The following ATP8B3 variants were observed in gnomAD, a reference collection of about 807,000 sequenced individuals.
ATP8B3 encodes the protein phospholipid-transporting ATPase IK.
Under a neutral mutation model 140.9 loss-of-function variants are expected in ATP8B3, and 141 were observed. The ratio of observed to expected loss-of-function variants is 1.00; its 90% confidence interval spans 0.87 to 1.15. ATP8B3 has a LOEUF of 1.15. Ranked by LOEUF, ATP8B3 falls within the 50% of genes most tolerant of loss-of-function variation. The pLI is 0.00. For synonymous variants in ATP8B3, 765 were observed against 714.6 expected (o/e 1.07, Z -1.13); for missense variants, 1,874 against 1,740.6 (o/e 1.08, Z -1.36).
Position 1,800,131 on chromosome 19 carries a change from G to A in ATP8B3, c.1368C>T (p.Asn456=), listed in dbSNP as rs1454457780. ...FILSEFIYLG[N]SVFIDWDVQM... ...GCACGTCCCAGTCGATGAAGACGCT[G>A]TTCCCCAGGTAGATGAACTCGGACC... Residue 456 remains asparagine, a synonymous_variant, in exon 14 of 29, where the codon AAC becomes AAT. Coordinates refer to ENST00000310127, the MANE Select transcript of ATP8B3 (RefSeq NM_138813.4). This position sits in a 1 kb window ranked among gnomAD's most constrained non-coding sequence, Gnocchi z 4.4. 1.3e-6 allele frequency: 2 copies of A among 1,558,520 alleles called. No individual in the cohort carries two copies. The highest frequency in any genetic ancestry group is 1.9e-5 in the Admixed American group (1 of 51,958).
chr19:1,792,499 G>T (rs997588640), intron 18 of ATP8B3, among the ~76,000 whole-genome samples: 1 of 149,682 alleles, frequency 6.7e-6, no homozygotes, highest in Non-Finnish European at 1.5e-5. Flanking sequence ...AGAATTGCTT[G>T]AACTTGGGAG....
intron 4 of ATP8B3, 58 bp from the exon 5 acceptor site, chr19:1,808,393 G>C: frequency 7.4e-7 from 1 of 1,348,472 alleles, no homozygotes; most frequent in Non-Finnish European, 1.0e-6. Flanking sequence ...CAGGGGATGG[G>C]GGTGCCCGAG....
chr19:1,803,038 C>T (rs564595521), intron 10 of ATP8B3, among the ~76,000 whole-genome samples: 367 of 152,288 alleles, frequency 2.4e-3, no homozygotes, highest in African/African-American at 7.9e-3. Context: ...CCCCAGGGCA[C>T]GGACCAGCAC....
Position 1,789,971 on chromosome 19 carries a change from G to C in ATP8B3, c.2397C>G (p.Tyr799Ter). 1.2e-6 allele frequency: 2 copies of C among 1,611,808 alleles called. No homozygotes were observed. The highest frequency in any genetic ancestry group is 1.7e-6 in the Non-Finnish European group (2 of 1,179,374). The change falls in exon 22 of 29, where the codon TAC becomes TAG. Residue 799 changes from tyrosine (Y) to a stop codon, truncating the protein, a stop_gained. Coordinates refer to ENST00000310127, the MANE Select transcript of ATP8B3 (RefSeq NM_138813.4). LOFTEE classifies it high-confidence loss of function. The stretch of plus-strand genomic sequence containing the variant: ...TTAGAAGGTTGTTACTGTTTTCCCA[G>C]TAGGTCTCCAGGATGCGGCTGCGGG... ...EKEISRILET[Y>*]WENSNNLLTR... is the part of the protein sequence containing the mutation.
At position 1,789,486 on chromosome 19, in the gene ATP8B3, T is replaced by C; in HGVS notation, c.2720A>G (p.Gln907Arg). Residue 907 changes from glutamine (Q) to arginine (R), a missense_variant, in exon 23 of 29, where the codon CAG becomes CGG. Gln to Arg is a conservative substitution (Grantham distance 43). This residue lies in a region of ATP8B3 where 840 missense variants were observed against 760.9 expected (regional missense o/e 1.10). Coordinates refer to ENST00000310127, the MANE Select transcript of ATP8B3 (RefSeq NM_138813.4). ...RAFVDLASKC[Q>R]AVICCRVTPK... ...CGTCACGCGGCAGCAGATGACCGCC[T>C]GGCACTTGGACGCCAGGTCCACGAA... 6.3e-7 allele frequency: 1 copy of C among 1,597,954 alleles called. No individual in the cohort carries two copies. The highest frequency in any genetic ancestry group is 2.2e-5 in the East Asian group (1 of 44,732).
chr19:1,791,780 T>C lies in ATP8B3; in HGVS notation c.2272A>G (p.Lys758Glu), dbSNP rs774118282. 6.2e-7 allele frequency: 1 copy of C among 1,611,868 alleles called. No individual in the cohort carries two copies. The highest frequency in any genetic ancestry group is 1.7e-5 in the Admixed American group (1 of 60,014). ...TIKCLKKSNI[K>E]IWVLTGDKQE... The stretch of plus-strand genomic sequence containing the variant: ...TTGTCCCCGGTGAGCACCCATATTT[T>C]GATGTTGCTCTTCTTGAGACATTTG... The change falls in exon 20 of 29, where the codon AAA becomes GAA. Residue 758 changes from lysine (K) to glutamate (E), a missense_variant. Around this residue, in one of 3 missense-constraint regions of ATP8B3, gnomAD observed 840 missense variants for 760.9 expected, o/e 1.10. Transcript: ENST00000310127.
In ATP8B3 at chr19:1,796,239, G is replaced by T; in HGVS notation, c.1780C>A (p.Pro594Thr). 6.2e-7 allele frequency: 1 copy of T among 1,612,094 alleles called. No individual in the cohort carries two copies. The highest frequency in any genetic ancestry group is 8.5e-7 in the Non-Finnish European group (1 of 1,179,664). ...GCGGTGACCAGCGCCCCCTCGTCGG[G>T]GGAGGCCGCCTGGTACAACAGCTGG... ...PDQLLYQAAS[P>T]DEGALVTAAR... Residue 594 changes from proline to threonine, a missense_variant, in exon 17 of 29, where the codon CCC becomes ACC. By Grantham distance (38) the Pro-to-Thr change is conservative. Coordinates refer to ENST00000310127, the MANE Select transcript of ATP8B3 (RefSeq NM_138813.4).
Position 1,807,922 on chromosome 19 carries a change from C to CTCT in ATP8B3, c.516+299_516+300insAGA, listed in dbSNP as rs2069076604. ...GCGGGGGCCAGGGGAGCTGCGTGGC[C>CTCT]GAGGCCGTTTAGGCTGGGGAACAGC... On this transcript the variant is annotated intron_variant, in intron 5 of 28. Transcript: ENST00000310127. The surrounding 1 kb of genome is among the most constrained non-coding windows in gnomAD (Gnocchi z 5.9). Among the ~76,000 whole-genome samples the CTCT allele has an allele frequency of 1.1e-4, 16 of 152,236 alleles. No individual in the cohort carries two copies. The highest frequency in any genetic ancestry group is 3.9e-4 in the African/African-American group (16 of 41,458).
rs748838146 is a variant in ATP8B3, at chr19:1,796,993, T to G, written c.1565A>C (p.Glu522Ala). 6.2e-7 allele frequency: 1 copy of G among 1,613,022 alleles called. No individual in the cohort carries two copies. Among genetic ancestry groups the G allele is most frequent in the Admixed American group, 1.7e-5 (1 of 60,012 alleles). ...ISGRVYGPDS[E>A]ATTRPKENPY... is the part of the protein sequence containing the mutation. ...GCTCACCTTAGGTCGGGTCGTGGCCTCTGAATCCGGCCCTGGGGAAAGACA... is the reference window on the plus strand; with the variant it reads ...GCTCACCTTAGGTCGGGTCGTGGCCGCTGAATCCGGCCCTGGGGAAAGACA... The change falls in exon 15 of 29, where the codon GAG (glutamate) becomes GCG (alanine). Residue 522 changes from glutamate (E) to alanine (A), a missense_variant. Glu to Ala is a moderately radical substitution (Grantham distance 107). Coordinates refer to ENST00000310127, the MANE Select transcript of ATP8B3 (RefSeq NM_138813.4).
rs1568615529 is a variant in ATP8B3, at chr19:1,785,283, G to GA, written c.3407dup (p.Lys1137GlnfsTer122). On this transcript the variant is annotated frameshift_variant, in exon 27 of 29. Transcript: ENST00000310127. LOFTEE classifies it high-confidence loss of function. ...CCACGCACAGGGCGGTCCAGTACTT[G>GA]ATGATAAGAATGACCTGGACAGGCA... is the stretch of plus-strand genomic sequence containing the variant. 6.2e-7 allele frequency: 1 copy of GA among 1,601,714 alleles called. No homozygotes were observed. The highest frequency in any genetic ancestry group is 1.3e-5 in the African/African-American group (1 of 74,670).
At chr19:1,788,757 T>G (rs2068384711) in intron 24 of ATP8B3, 140 bp downstream of exon 24, 2 of 791,314 alleles carry the variant, frequency 2.5e-6, no homozygotes, top group South Asian at 1.8e-5. Context: ...AACGCAGCCT[T>G]GCCATGTGGC....
At chr19:1,787,297 C>A in intron 24 of ATP8B3, 111 bp from the exon 25 acceptor site, 3 of 811,480 alleles carry the variant, frequency 3.7e-6, no homozygotes, top group Non-Finnish European at 4.0e-6. Context: ...GGTCGAGTTA[C>A]ACTCAAGGTT....
At chr19:1,802,406 T>TTGGCCC in intron 11 of ATP8B3, 81 bp downstream of exon 11, 1 of 421,058 alleles carries the variant, frequency 2.4e-6, no homozygotes, top group Non-Finnish European at 4.4e-6. Context: ...TCCACCCACC[T>TTGGCCC]ACCCACCCAC....
intron 17 of ATP8B3, 33 bp from the exon 18 acceptor site, chr19:1,796,020 G>A: frequency 6.2e-7 from 1 of 1,611,724 alleles, no homozygotes; most frequent in Non-Finnish European, 8.5e-7. Context: ...GCCCACAGAG[G>A]CTCCCCGTCT....
At position 1,805,238 on chromosome 19, in the gene ATP8B3, G is replaced by C; in HGVS notation, c.904+136C>G. The C allele has an allele frequency of 1.2e-6, 1 of 827,166 alleles. No individual in the cohort carries two copies. Among genetic ancestry groups the C allele is most frequent in the Non-Finnish European group, 2.0e-6 (1 of 498,362 alleles). The allele number at this position is 827,166 out of a possible 1,614,324, so 51.2% of individuals were successfully genotyped here. ...GATTCTCCTGCCTCAGCCTCCCAAA[G>C]TGCTGGGATTCCAGGTGTGAGCCAC... is the stretch of plus-strand genomic sequence containing the variant. On this transcript the variant is annotated intron_variant, in intron 10 of 28. Transcript: ENST00000310127. This position sits in a 1 kb window ranked among gnomAD's most constrained non-coding sequence, Gnocchi z 5.2.
rs569706754 is a variant in ATP8B3 at position 1,805,804 on chromosome 19, G to A, written c.821+84C>T. The A allele has an allele frequency of 1.4e-4, 210 of 1,543,788 alleles. No homozygotes were observed. The highest frequency in any genetic ancestry group is 1.8e-4 in the Non-Finnish European group (198 of 1,125,016). ...AGTCTCTGAGCGACCTTGGCTGGCC[G>A]CCTCCTTGGTGACTGGGGAAGGGGG... On this transcript the variant is annotated intron_variant, in intron 9 of 28. Coordinates refer to ENST00000310127, the MANE Select transcript of ATP8B3 (RefSeq NM_138813.4). This position sits in a 1 kb window ranked among gnomAD's most constrained non-coding sequence, Gnocchi z 5.2.
At position 1,811,489 on chromosome 19, in the gene ATP8B3, C is replaced by T. The variant is rs772723255; in HGVS notation, c.248G>A (p.Gly83Asp). 6.2e-7 allele frequency: 1 copy of T among 1,611,336 alleles called. No individual in the cohort carries two copies. Among genetic ancestry groups the T allele is most frequent in the South Asian group, 1.1e-5 (1 of 90,990 alleles). ...GGCCACCCGATGCACCCGTCCTCACCCTTCTGGTCTCCATTCATACTTCCT... is the reference window on the plus strand; with the variant it reads ...GGCCACCCGATGCACCCGTCCTCACTCTTCTGGTCTCCATTCATACTTCCT... ...RARKYEWRPEGPTSMGSLGQR... is the reference protein window; with the variant it reads ...RARKYEWRPEDPTSMGSLGQR... Residue 83 changes from glycine to aspartate, a missense_variant and splice_region_variant, in exon 2 of 29, where the codon GGC becomes GAC. Coordinates refer to ENST00000310127, the MANE Select transcript of ATP8B3 (RefSeq NM_138813.4).
rs748019740 is a variant in ATP8B3 at position 1,802,027 on chromosome 19, T to C, written c.1081A>G (p.Met361Val). 6 of 1,611,852 alleles carry C rather than the reference T, an allele frequency of 3.7e-6. No homozygotes were observed. In the Admixed American group the frequency reaches 6.7e-5, roughly 18 times the overall value. Residue 361 changes from methionine (M) to valine (V), a missense_variant, in exon 12 of 29, where the codon ATG becomes GTG. By Grantham distance (21) the Met-to-Val change is conservative. Around this residue, in one of 3 missense-constraint regions of ATP8B3, gnomAD observed 1,032 missense variants for 963.6 expected, o/e 1.07. Coordinates refer to ENST00000310127, the MANE Select transcript of ATP8B3 (RefSeq NM_138813.4). Reference protein sequence around the residue: ...VIYAGFDTKIMKNCGKIHLKR... With the variant: ...VIYAGFDTKIVKNCGKIHLKR... The stretch of plus-strand genomic sequence containing the variant: ...AAATGGATCTTGCCACAGTTCTTCA[T>C]AATTTTTGTGTCAAAACCTACAAAC...
At position 1,802,662 on chromosome 19, in the gene ATP8B3, G is replaced by T. The variant is rs372116834; in HGVS notation, c.905-17C>A. ...TCACTGTGCCTGTGGGTGGCCAGGT[G>T]GTCAGTGGGTCAGTGGGCTCAGGCC... On this transcript the variant is annotated splice_polypyrimidine_tract_variant and intron_variant, in intron 10 of 28. Coordinates refer to ENST00000310127, the MANE Select transcript of ATP8B3 (RefSeq NM_138813.4). The T allele has an allele frequency of 1.6e-5, 25 of 1,598,230 alleles. No individual in the cohort carries two copies. In the African/African-American group the frequency reaches 3.1e-4, roughly 20 times the overall value.
Sources: allele counts gnomAD v4.1 joint callset (sites outside exome capture counted in the v4.1 genomes callset), GRCh38; gene constraint gnomAD v4.1.1; regional missense constraint gnomAD v4.1.1; non-coding constraint Gnocchi (gnomAD v3.1); transcripts MANE v1.5; gene names NCBI Gene and HGNC (gene_info 2026-07-23, HGNC 2026-07-21).